Variants in RYR2 observed in about 807,000 individuals in gnomAD.
The protein encoded by RYR2 is ryanodine receptor 2, also known as cardiac muscle ryanodine receptor-calcium release channel.
A neutral mutation model predicts 601.1 loss-of-function variants in RYR2; 227 were observed. The ratio of observed to expected loss-of-function variants is 0.38; its 90% CI spans 0.34 to 0.42. The LOEUF (loss-of-function observed/expected upper bound fraction) is 0.42, where lower values mean the gene tolerates loss of function less well. RYR2 is among the 10% of genes least tolerant of loss of function. The pLI, the probability that RYR2 is intolerant of heterozygous loss-of-function variation, is 1.00. For synonymous variants in RYR2, 2,223 were observed against 2,175.1 expected, an observed-to-expected ratio of 1.02 and a Z score of -0.61; for missense variants, 4,646 against 6,156.5, an observed-to-expected ratio of 0.75 and a Z score of 8.21.
At chr1:237,394,272 A>G (rs921213122) in intron 10 of RYR2, among the ~76,000 whole-genome samples, 8 of 152,220 alleles carry the variant, frequency 5.3e-5, no homozygotes, top group African/African-American at 1.9e-4. Context: ...TCCTACCTAC[A>G]TGATTCTTTC....
rs10676878 is a variant in RYR2, at chr1:237,382,914, G to GTTT, written c.577-4357_577-4355dup. ...ATTTCTCTGCCCCTCATTTGTTTTT[G>GTTT]TTTTTTTTTTTTCAGAAGAAAAAAC... On this transcript the variant is annotated intron_variant, in intron 8 of 104. Coordinates refer to ENST00000366574, the MANE Select transcript of RYR2 (RefSeq NM_001035.3). 9.5e-3 allele frequency among the ~76,000 whole-genome samples: 1,326 copies of GTTT among 139,142 alleles called. 23 individuals carry two copies. The highest frequency in any genetic ancestry group is 0.026 in the African/African-American group (1,000 of 38,622). 91.3% of individuals were successfully genotyped at this position (139,142 alleles called of 152,430 possible). A position where few individuals can be genotyped will look rare whatever the true frequency, so the allele number is the denominator to read the frequency against.
At chr1:237,372,980 A>C (rs1454776918) in intron 6 of RYR2, among the ~76,000 whole-genome samples, 1 of 152,228 alleles carries the variant, frequency 6.6e-6, no homozygotes, top group African/African-American at 2.4e-5. Flanking sequence ...TACTAGAAAC[A>C]TTAAGGAGAA....
chr1:237,185,499 C>G (rs1572133548), intron 1 of RYR2, among the ~76,000 whole-genome samples: 1 of 152,080 alleles, frequency 6.6e-6, no homozygotes, highest in Non-Finnish European at 1.5e-5. Context: ...CTAGCACCTT[C>G]ACTCCTGGTC....
At chr1:237,297,900 G>T (rs146927064) in intron 2 of RYR2, among the ~76,000 whole-genome samples, 209 of 150,368 alleles carry the variant, frequency 1.4e-3, no homozygotes, top group African/African-American at 5.0e-3. Flanking sequence ...ACAAGCACGT[G>T]CTACCATATC....
At chr1:237,164,462 AAAC>A (rs1676415743) in intron 1 of RYR2, among the ~76,000 whole-genome samples, 1 of 152,174 alleles carries the variant, frequency 6.6e-6, no homozygotes, top group Non-Finnish European at 1.5e-5. Flanking sequence ...GGTACAGTGT[AAAC>A]AAGACAAATA....
At chr1:237,406,534 A>G (rs1007836510) in intron 10 of RYR2, among the ~76,000 whole-genome samples, 2 of 151,870 alleles carry the variant, frequency 1.3e-5, no homozygotes, top group East Asian at 3.9e-4. Flanking sequence ...GTAGCTCTCC[A>G]TCCTTCTCTT....
chr1:237,664,980 A>G (rs531682885), intron 56 of RYR2, among the ~76,000 whole-genome samples: 63 of 152,360 alleles, frequency 4.1e-4, no homozygotes, highest in Middle Eastern at 3.4e-3. Context: ...TATACTAACA[A>G]TGAGAATAGC....
intron 80 of RYR2, among the ~76,000 whole-genome samples, chr1:237,743,442 A>G (rs1032358839): frequency 6.6e-6 from 1 of 152,180 alleles, no homozygotes. Flanking sequence ...CTATTCTCAA[A>G]GTCATCTTTA....
chr1:237,175,874 C>T (rs1280490901), intron 1 of RYR2, among the ~76,000 whole-genome samples: 1 of 152,164 alleles, frequency 6.6e-6, no homozygotes. Context: ...TACTTTTGTG[C>T]TCCATAGCAT....
intron 1 of RYR2, among the ~76,000 whole-genome samples, chr1:237,044,953 CTTCT>C (rs1367586900): frequency 5.0e-5 from 5 of 99,088 alleles, no homozygotes; most frequent in Non-Finnish European, 9.8e-5. Context: ...TCTTCTTCTT[CTTCT>C]TTTTTTTTTT....
chr1:237,732,771 C>T (rs1032384169), intron 78 of RYR2, among the ~76,000 whole-genome samples: 2 of 152,180 alleles, frequency 1.3e-5, no homozygotes, highest in Non-Finnish European at 2.9e-5. Context: ...GAGGGCAATG[C>T]ATAAATTGGC....
chr1:237,420,997 T>G (rs1331044513), intron 11 of RYR2, among the ~76,000 whole-genome samples: 1 of 152,180 alleles, frequency 6.6e-6, no homozygotes, highest in African/African-American at 2.4e-5. Context: ...TCCCATCACT[T>G]TGGGAGGCTG....
chr1:237,388,151 C>T lies in RYR2; in HGVS notation c.741C>T (p.Val247=), dbSNP rs1189918475. Residue 247 remains valine, a synonymous_variant, in exon 10 of 105, where the codon GTC becomes GTT. Coordinates refer to ENST00000366574, the MANE Select transcript of RYR2 (RefSeq NM_001035.3). Reference sequence around the variant, plus strand: ...GACACATGGACGAGTGTCTCACTGTCCCTTCAGGAGAACATGGTGAAGAGC... The same window carrying T: ...GACACATGGACGAGTGTCTCACTGTTCCTTCAGGAGAACATGGTGAAGAGC... ...LHGHMDECLT[V]PSGEHGEEQR... The T allele has an allele frequency of 6.2e-7, 1 of 1,613,816 alleles. No individual in the cohort carries two copies. Among genetic ancestry groups the T allele is most frequent in the Admixed American group, 1.7e-5 (1 of 59,984 alleles).
At chr1:237,233,854 T>G (rs911271755) in intron 1 of RYR2, among the ~76,000 whole-genome samples, 1 of 150,870 alleles carries the variant, frequency 6.6e-6, no homozygotes, top group African/African-American at 2.4e-5. Flanking sequence ...GCCTGGCTAA[T>G]TTTTGTATTT....
At chr1:237,711,114 A>C (rs1490042527) in intron 70 of RYR2, among the ~76,000 whole-genome samples, 1 of 152,230 alleles carries the variant, frequency 6.6e-6, no homozygotes, top group African/African-American at 2.4e-5. Context: ...GTTTGGAACA[A>C]GAGTATTTAT....
intron 1 of RYR2, among the ~76,000 whole-genome samples, chr1:237,137,266 G>A (rs1672897793): frequency 2.0e-5 from 3 of 152,162 alleles, no homozygotes. Flanking sequence ...GTGGGGCATG[G>A]TACTTACCCC....
chr1:237,545,988 ATATATC>A (rs1669758359), intron 25 of RYR2, among the ~76,000 whole-genome samples: 1 of 150,630 alleles, frequency 6.6e-6, no homozygotes, highest in African/African-American at 2.4e-5. Flanking sequence ...AAATACATAA[ATATATC>A]TATATCTATA....
intron 100 of RYR2, 72 bp from the exon 101 acceptor site, chr1:237,818,964 A>C: frequency 7.3e-7 from 1 of 1,373,930 alleles, no homozygotes; most frequent in Non-Finnish European, 1.0e-6. Context: ...AACTACAGAG[A>C]TAACTCGGGT....
At chr1:237,107,481 C>T (rs1328652359) in intron 1 of RYR2, among the ~76,000 whole-genome samples, 2 of 119,174 alleles carry the variant, frequency 1.7e-5, no homozygotes, top group East Asian at 2.5e-4. Flanking sequence ...GATCGCACCA[C>T]TGCACTCCAG....
Sources: allele counts gnomAD v4.1 joint callset (sites outside exome capture counted in the v4.1 genomes callset), GRCh38; gene constraint gnomAD v4.1.1; transcripts MANE v1.5; gene names NCBI Gene and HGNC (gene_info 2026-07-23, HGNC 2026-07-21).